Variants in PSD2 observed in about 807,000 individuals in gnomAD.
PSD2 encodes pleckstrin and Sec7 domain containing 2, also known as PH and SEC7 domain-containing protein 2.
PSD2 carries 38 observed loss-of-function variants against 69.8 expected under a neutral mutation model. That is an observed-to-expected ratio of 0.54 (90% CI 0.42 to 0.71). PSD2 has a LOEUF of 0.71. Ranked by LOEUF, PSD2 falls within the 30% of genes least tolerant of loss-of-function variation. The pLI is 0.00. For missense variants in PSD2, 943 were observed against 1,014.5 expected (o/e 0.93, Z 0.96); for synonymous variants, 412 against 423.0 (o/e 0.97, Z 0.32).
chr5:139,767,296 A>G, the PSD2 span, among the ~76,000 whole-genome samples: 230 of 144,308 alleles, frequency 1.6e-3, no homozygotes, highest in African/African-American at 5.7e-3. Flanking sequence ...CCCAGCCACC[A>G]TCTTTCTTTC....
At chr5:139,744,207 C>G in the PSD2 span, among the ~76,000 whole-genome samples, 1 of 152,174 alleles carries the variant, frequency 6.6e-6, no homozygotes, top group African/African-American at 2.4e-5. Flanking sequence ...CCCCTCCCAT[C>G]ACAGTGATCT....
chr5:139,759,954 A>G, the PSD2 span, among the ~76,000 whole-genome samples: 1 of 152,220 alleles, frequency 6.6e-6, no homozygotes, highest in Non-Finnish European at 1.5e-5. Flanking sequence ...AGGCTCAGAG[A>G]AAGGCCAGGC....
At chr5:139,809,950 G>A (rs1561595441) in intron 2 of PSD2, 139 bp downstream of exon 2, 3 of 939,922 alleles carry the variant, frequency 3.2e-6, no homozygotes, top group South Asian at 1.7e-5. Flanking sequence ...CTTTTGCCCA[G>A]ATTCTGGGTG....
upstream of PSD2, among the ~76,000 whole-genome samples, chr5:139,792,587 G>T (rs1308355568): frequency 6.6e-6 from 1 of 152,204 alleles, no homozygotes; most frequent in Non-Finnish European, 1.5e-5. Context: ...GGGGAGGAAA[G>T]GGAGGTCACT....
intron 5 of PSD2, among the ~76,000 whole-genome samples, chr5:139,818,011 T>C (rs1197242787): frequency 6.6e-6 from 1 of 152,120 alleles, no homozygotes. Context: ...CTCAACTCTA[T>C]TGGTGTTTGG....
the PSD2 span, among the ~76,000 whole-genome samples, chr5:139,756,869 T>A: frequency 7.2e-5 from 11 of 152,158 alleles, no homozygotes; most frequent in African/African-American, 2.7e-4. Context: ...CAAGGGATAG[T>A]GAGGTGATGA....
the PSD2 span, among the ~76,000 whole-genome samples, chr5:139,755,927 A>G: frequency 6.6e-6 from 1 of 152,156 alleles, no homozygotes; most frequent in African/African-American, 2.4e-5. Flanking sequence ...AAAAAGCACA[A>G]TGCAAAAAAT....
intron 1 of PSD2, among the ~76,000 whole-genome samples, chr5:139,796,512 T>A (rs1321487002): frequency 1.3e-5 from 2 of 152,206 alleles, no homozygotes; most frequent in Non-Finnish European, 2.9e-5. Flanking sequence ...TCCCCGGCTC[T>A]GCAGCTAGAG....
rs192387723 is a variant in PSD2, at chr5:139,840,610, G to T, written c.2112+440G>T. Among the ~76,000 whole-genome samples, 32 of 151,280 alleles carry T rather than the reference G, an allele frequency of 2.1e-4. No individual in the cohort carries two copies. The East Asian group carries it at 6.0e-3, about 28-fold the overall frequency. ...CTGTCGCCCAGGCTGGAGTACAGTGGCACGATCTTGGCTCACTATAATCTC... is the reference window on the plus strand; with the variant it reads ...CTGTCGCCCAGGCTGGAGTACAGTGTCACGATCTTGGCTCACTATAATCTC... On this transcript the variant is annotated intron_variant, in intron 14 of 14. Coordinates refer to ENST00000274710, the MANE Select transcript of PSD2 (RefSeq NM_032289.4).
At chr5:139,832,212 G>A (rs907998566) in intron 7 of PSD2, among the ~76,000 whole-genome samples, 1 of 152,198 alleles carries the variant, frequency 6.6e-6, no homozygotes, top group African/African-American at 2.4e-5. Flanking sequence ...TGTTCAGTTT[G>A]TGTGGAACTC....
upstream of PSD2, among the ~76,000 whole-genome samples, chr5:139,792,647 G>A (rs1160106892): frequency 6.6e-6 from 1 of 152,110 alleles, no homozygotes; most frequent in African/African-American, 2.4e-5. Context: ...GAGGAATGGG[G>A]GAAATATCGT....
rs990954023 is a variant in PSD2 at position 139,837,264 on chromosome 5, C to T, written c.1665+26C>T. On this transcript the variant is annotated intron_variant, in intron 11 of 14. Coordinates refer to ENST00000274710, the MANE Select transcript of PSD2 (RefSeq NM_032289.4). The surrounding 1 kb of genome is among the most constrained non-coding windows in gnomAD (Gnocchi z 5.0). Reference sequence around the variant, plus strand: ...GTGAGAGACTGCCCCAGAGACCTTACTCAGAAAGGGCCAGCTCAGTCCCAT... The same window carrying T: ...GTGAGAGACTGCCCCAGAGACCTTATTCAGAAAGGGCCAGCTCAGTCCCAT... 3 of 1,610,508 alleles carry T rather than the reference C, an allele frequency of 1.9e-6. No individual in the cohort carries two copies. Among genetic ancestry groups the T allele is most frequent in the Admixed American group, 3.3e-5 (2 of 59,970 alleles).
intron 9 of PSD2, 73 bp from the exon 10 acceptor site, chr5:139,836,738 G>T: frequency 7.3e-7 from 1 of 1,372,134 alleles, no homozygotes; most frequent in Non-Finnish European, 1.0e-6. Flanking sequence ...AGAGGAGGCT[G>T]GTGGGGAAAG....
intron 1 of PSD2, among the ~76,000 whole-genome samples, chr5:139,802,650 G>A (rs1045748950): frequency 4.6e-5 from 7 of 152,122 alleles, no homozygotes; most frequent in South Asian, 2.1e-4. Context: ...GGTTCACCCC[G>A]TAGGGAAGTC....
At chr5:139,817,448 G>T (rs1322462994) in intron 4 of PSD2, 33 bp from the exon 5 acceptor site, 2 of 1,591,668 alleles carry the variant, frequency 1.3e-6, no homozygotes, top group Admixed American at 3.3e-5. Context: ...GCTGGACCCT[G>T]CTTCTAACAG....
At chr5:139,758,564 TG>T in the PSD2 span, among the ~76,000 whole-genome samples, 14 of 152,168 alleles carry the variant, frequency 9.2e-5, no homozygotes, top group African/African-American at 2.9e-4. Flanking sequence ...CTGTGCAGTG[TG>T]GGCACAAACC....
the PSD2 span, among the ~76,000 whole-genome samples, chr5:139,763,326 C>A: frequency 5.9e-5 from 9 of 152,188 alleles, no homozygotes; most frequent in Admixed American, 3.3e-4. Context: ...CACTCTGAAG[C>A]ATGTTTTCAT....
upstream of PSD2, among the ~76,000 whole-genome samples, chr5:139,794,025 T>C (rs1157913198): frequency 6.6e-6 from 1 of 152,170 alleles, no homozygotes; most frequent in African/African-American, 2.4e-5. Context: ...TGCCTACAGG[T>C]AGCAGAGGGC....
chr5:139,840,152 G>A lies in PSD2; in HGVS notation c.2094G>A (p.Glu698=). 1.2e-6 allele frequency: 2 copies of A among 1,614,170 alleles called. No individual in the cohort carries two copies. The highest frequency in any genetic ancestry group is 1.7e-6 in the Non-Finnish European group (2 of 1,180,030). Residue 698 remains glutamate (E), a synonymous_variant, in exon 14 of 15, where the codon GAG becomes GAA. Coordinates refer to ENST00000274710, the MANE Select transcript of PSD2 (RefSeq NM_032289.4). Reference sequence around the variant, plus strand: ...AGGCCGAGGAGTACCGGTTGAAGGAGCACTATCTCACCTTCGAGGTGAGCC... The same window carrying A: ...AGGCCGAGGAGTACCGGTTGAAGGAACACTATCTCACCTTCGAGGTGAGCC... ...SKEAEEYRLK[E]HYLTFEKSRY...
Sources: gnomAD v4.1 joint callset for allele counts (sites outside exome capture counted in the v4.1 genomes callset) on GRCh38, gnomAD v4.1.1 for gene constraint, Gnocchi (gnomAD v3.1) non-coding constraint, MANE v1.5 for transcripts, NCBI Gene and HGNC (gene_info 2026-07-23, HGNC 2026-07-21) for gene names.